CGNL1: variants seen among roughly 807,000 people sequenced by gnomAD.
CGNL1 encodes cingulin like 1.
CGNL1 carries 132 observed loss-of-function variants against 141.2 expected under a neutral mutation model. That is an observed-to-expected ratio of 0.93 (90% CI 0.81 to 1.08). The LOEUF (loss-of-function observed/expected upper bound fraction) is 1.08, where lower values mean the gene tolerates loss of function less well. Among genes scored for constraint, CGNL1 ranks in the 50% least tolerant of loss-of-function variants. The pLI is 0.00. For missense variants in CGNL1, 1,870 were observed against 1,588.6 expected (o/e 1.18, Z -3.01); for synonymous variants, 690 against 622.1 (o/e 1.11, Z -1.63).
intron 8 of CGNL1, among the ~76,000 whole-genome samples, chr15:57,462,943 G>A (rs1595729986): frequency 1.3e-5 from 2 of 152,122 alleles, no homozygotes; most frequent in East Asian, 3.9e-4. Context: ...TGCTTTGAGG[G>A]GACATGCCTG....
intron 1 of CGNL1, among the ~76,000 whole-genome samples, chr15:57,414,708 A>G (rs556962946): frequency 1.1e-4 from 17 of 152,068 alleles, no homozygotes; most frequent in Admixed American, 2.0e-4. Flanking sequence ...CACCAAAACC[A>G]AGATTTGCTT....
intron 8 of CGNL1, among the ~76,000 whole-genome samples, chr15:57,463,899 A>G (rs1367866330): frequency 6.6e-6 from 1 of 152,090 alleles, no homozygotes; most frequent in Admixed American, 6.5e-5. Context: ...TGCCCTAGAT[A>G]CCTATACTCC....
intron 8 of CGNL1, 138 bp from the exon 9 acceptor site, chr15:57,516,642 G>A (rs967182677): frequency 8.2e-6 from 7 of 849,098 alleles, no homozygotes; most frequent in East Asian, 5.4e-5. Context: ...GCAGGCTGTC[G>A]TTTGCCGACC....
chr15:57,445,531 A>G (rs1432503160), intron 4 of CGNL1, among the ~76,000 whole-genome samples: 2 of 152,222 alleles, frequency 1.3e-5, no homozygotes, highest in Non-Finnish European at 2.9e-5. Flanking sequence ...CAAAGCAGGT[A>G]GAGATTTTGT....
At chr15:57,390,978 G>A (rs893523001) in intron 1 of CGNL1, among the ~76,000 whole-genome samples, 1 of 152,150 alleles carries the variant, frequency 6.6e-6, no homozygotes, top group Non-Finnish European at 1.5e-5. Context: ...AATAGTCAGT[G>A]ACAGGTTAGC....
intron 8 of CGNL1, among the ~76,000 whole-genome samples, chr15:57,482,219 A>G (rs1313298883): frequency 1.3e-5 from 2 of 151,938 alleles, no homozygotes; most frequent in African/African-American, 4.8e-5. Flanking sequence ...AATCTCTAGT[A>G]AAACAAAACA....
At chr15:57,518,564 A>T (rs1175487236) in intron 10 of CGNL1, 67 bp downstream of exon 10, 1 of 1,046,682 alleles carries the variant, frequency 9.6e-7, no homozygotes, top group Non-Finnish European at 1.5e-6. Flanking sequence ...CACCAGAGGG[A>T]TGTGTGGAGA....
intron 1 of CGNL1, chr15:57,397,158 G>A (rs1286999564): frequency 2.0e-5 from 3 of 152,280 alleles, no homozygotes; most frequent in Non-Finnish European, 4.4e-5. Flanking sequence ...ATGTGAAGAG[G>A]AATGGATCAG....
At chr15:57,442,825 C>T (rs1473626340) in intron 4 of CGNL1, among the ~76,000 whole-genome samples, 1 of 152,136 alleles carries the variant, frequency 6.6e-6, no homozygotes, top group African/African-American at 2.4e-5. Flanking sequence ...CACCATGTTG[C>T]TCAGGCTGGT....
chr15:57,532,010 T>C (rs114788122), intron 14 of CGNL1, among the ~76,000 whole-genome samples: 349 of 152,332 alleles, frequency 2.3e-3, no homozygotes, highest in African/African-American at 8.2e-3. Context: ...TCCTGATCTA[T>C]ACCTAGCATC....
At chr15:57,532,771 A>G (rs1314603978) in intron 14 of CGNL1, among the ~76,000 whole-genome samples, 2 of 152,222 alleles carry the variant, frequency 1.3e-5, no homozygotes, top group Non-Finnish European at 2.9e-5. Flanking sequence ...ACCACATTCC[A>G]CACACTTGCT....
chr15:57,427,300 C>T (rs1308380688), intron 1 of CGNL1, among the ~76,000 whole-genome samples: 1 of 152,206 alleles, frequency 6.6e-6, no homozygotes, highest in African/African-American at 2.4e-5. Context: ...TGGGTGCCTA[C>T]ACAGTGTTAT....
chr15:57,479,495 C>A (rs549696024), intron 8 of CGNL1, among the ~76,000 whole-genome samples: 7 of 152,272 alleles, frequency 4.6e-5, no homozygotes, highest in African/African-American at 1.4e-4. Context: ...GAAACCCTGT[C>A]TCTACTAAAA....
intron 4 of CGNL1, among the ~76,000 whole-genome samples, chr15:57,445,360 A>T (rs2063238030): frequency 6.6e-6 from 1 of 152,202 alleles, no homozygotes; most frequent in South Asian, 2.1e-4. Flanking sequence ...TGACTGTTTA[A>T]TTGCCACGTT....
At chr15:57,409,787 GT>G (rs1298711835) in intron 1 of CGNL1, among the ~76,000 whole-genome samples, 1 of 152,108 alleles carries the variant, frequency 6.6e-6, no homozygotes, top group Non-Finnish European at 1.5e-5. Flanking sequence ...AAGAATAGAA[GT>G]TCTAAGTTGA....
intron 1 of CGNL1, among the ~76,000 whole-genome samples, chr15:57,423,458 T>G (rs2152285666): frequency 6.6e-6 from 1 of 152,124 alleles, no homozygotes; most frequent in South Asian, 2.1e-4. Context: ...AACGTTAATT[T>G]CTGCATGATT....
chr15:57,475,749 G>A (rs1036946912), intron 8 of CGNL1, among the ~76,000 whole-genome samples: 3 of 152,010 alleles, frequency 2.0e-5, no homozygotes, highest in Non-Finnish European at 4.4e-5. Flanking sequence ...TCTCTCACTG[G>A]ATTCTCTGCG....
At position 57,405,795 on chromosome 15, in the gene CGNL1, TTTCTTTCTTTCTTTCC is replaced by T. The variant is rs1208966364; in HGVS notation, c.-16+29244_-16+29259del. On this transcript the variant is annotated intron_variant, in intron 1 of 18. Coordinates refer to ENST00000281282, the MANE Select transcript of CGNL1 (RefSeq NM_032866.5). ...TTCTCTTTCTTTCTTTCTTTCTTTCTTTCTTTCTTTCTTTCCTTCTTTCTTTCTTTCTTTTTCTTTC... is the reference window on the plus strand; with the variant it reads ...TTCTCTTTCTTTCTTTCTTTCTTTCTTTCTTTCTTTCTTTCTTTTTCTTTC... Among the ~76,000 whole-genome samples the T allele has an allele frequency of 1.5e-3, 191 of 126,942 alleles. 3 individuals are homozygous for T. Among genetic ancestry groups the T allele is most frequent in the Admixed American group, 9.6e-3 (115 of 11,952 alleles). 83.3% of individuals were successfully genotyped at this position (126,942 alleles called of 152,430 possible). A position where few individuals can be genotyped will look rare whatever the true frequency, so the allele number is the denominator to read the frequency against.
rs2063448863 is a variant in CGNL1, at chr15:57,461,713, CT to C, written c.2225del (p.Leu742ArgfsTer2). On this transcript the variant is annotated frameshift_variant, in exon 8 of 19. Coordinates refer to ENST00000281282, the MANE Select transcript of CGNL1 (RefSeq NM_032866.5). LOFTEE classifies it high-confidence loss of function. ...ACAGGCAAAACAGGATCTTCAAGAT[CT>C]GCTGATTGCCAAAGAGGAGCAAGAA... ...LLQAKQDLQD[L>X]LIAKEEQEDL... is the part of the protein sequence containing the mutation. 1.2e-6 allele frequency: 2 copies of C among 1,614,104 alleles called. No individual in the cohort carries two copies. The highest frequency in any genetic ancestry group is 8.5e-7 in the Non-Finnish European group (1 of 1,179,994).
Sources: allele counts gnomAD v4.1 joint callset (sites outside exome capture counted in the v4.1 genomes callset), GRCh38; gene constraint gnomAD v4.1.1; transcripts MANE v1.5; gene names NCBI Gene and HGNC (gene_info 2026-07-23, HGNC 2026-07-21).